PAX8: variants seen among roughly 807,000 people sequenced by gnomAD.
PAX8 encodes paired box protein Pax-8.
PAX8 carries 15 observed loss-of-function variants against 52.4 expected under a neutral mutation model. That is an observed-to-expected ratio of 0.29 (90% CI 0.19 to 0.44). The LOEUF is 0.44. PAX8 is among the 20% of genes least tolerant of loss of function. The pLI is 1.00. For missense variants in PAX8, 554 were observed against 602.5 expected (o/e 0.92, Z 0.84); for synonymous variants, 284 against 249.7 (o/e 1.14, Z -1.29).
chr2:113,247,990 TAAGCTGAGACTG>T (rs1406126915), intron 2 of PAX8, among the ~76,000 whole-genome samples: 2 of 152,168 alleles, frequency 1.3e-5, no homozygotes, highest in African/African-American at 2.4e-5. Context: ...TGAGGAGGTC[TAAGCTGAGACTG>T]AAGATAAACA....
intron 11 of PAX8, 83 bp from the exon 12 acceptor site, chr2:113,218,692 C>A: frequency 1.2e-6 from 1 of 813,494 alleles, no homozygotes; most frequent in South Asian, 1.6e-5. Context: ...ATCTGCTGAC[C>A]TTTAAGACAA....
At chr2:113,274,300 TCTC>T (rs1262191752) in intron 2 of PAX8, 3 of 152,098 alleles carry the variant, frequency 2.0e-5, no homozygotes, top group East Asian at 1.9e-4. Context: ...TTCCTAAAAT[TCTC>T]CTCTTTTTTT....
chr2:113,271,904 C>CA (rs1388286049), intron 2 of PAX8: 1 of 151,854 alleles, frequency 6.6e-6, no homozygotes, highest in Non-Finnish European at 1.5e-5. Flanking sequence ...AGCACCACAC[C>CA]ACACCTGTGG....
At chr2:113,258,431 C>T (rs575249213) in intron 2 of PAX8, among the ~76,000 whole-genome samples, 1 of 152,234 alleles carries the variant, frequency 6.6e-6, no homozygotes, top group Admixed American at 6.5e-5. Flanking sequence ...CTCTCTGTCC[C>T]AGTCCTTTCC....
chr2:113,245,644 C>G (rs1327792478), intron 3 of PAX8, among the ~76,000 whole-genome samples: 1 of 152,148 alleles, frequency 6.6e-6, no homozygotes, highest in Non-Finnish European at 1.5e-5. Context: ...GTTGCTTTGG[C>G]AGATCAACCG....
At chr2:113,272,218 C>T (rs1305763040) in intron 2 of PAX8, 1 of 152,098 alleles carries the variant, frequency 6.6e-6, no homozygotes, top group African/African-American at 2.4e-5. Flanking sequence ...TGGTTTCTAT[C>T]GAGACTCATT....
chr2:113,246,889 G>T lies in PAX8; in HGVS notation c.56C>A (p.Ala19Asp), dbSNP rs2104507947. Residue 19 changes from alanine to aspartate, a missense_variant, in exon 3 of 12, where the codon GCC becomes GAC. Ala to Asp is a moderately radical substitution (Grantham distance 126). Coordinates refer to ENST00000429538, the MANE Select transcript of PAX8 (RefSeq NM_003466.4). Reference protein sequence around the residue: ...GHGGLNQLGGAFVNGRPLPEV... With the variant: ...GHGGLNQLGGDFVNGRPLPEV... Reference sequence around the variant, plus strand: ...CGGCAGAGGTCTGCCATTCACAAAGGCCCCTCCCAGCTGGTTCAGCCCTCC... The same window carrying T: ...CGGCAGAGGTCTGCCATTCACAAAGTCCCCTCCCAGCTGGTTCAGCCCTCC... The T allele has an allele frequency of 1.2e-6, 2 of 1,614,080 alleles. No homozygotes were observed. Among genetic ancestry groups the T allele is most frequent in the Admixed American group, 1.7e-5 (1 of 60,016 alleles).
intron 7 of PAX8, chr2:113,239,666 T>C (rs1690653891): frequency 6.6e-6 from 1 of 152,272 alleles, no homozygotes; most frequent in Non-Finnish European, 1.5e-5. Context: ...TTATGGACAC[T>C]GCTGGACCTC....
At chr2:113,258,712 C>T (rs768203219) in intron 2 of PAX8, among the ~76,000 whole-genome samples, 7 of 152,196 alleles carry the variant, frequency 4.6e-5, no homozygotes, top group Non-Finnish European at 1.0e-4. Flanking sequence ...TATTAGATTT[C>T]CCTTTCTATT....
At chr2:113,267,566 T>G (rs2104588160) in intron 2 of PAX8, 1 of 152,304 alleles carries the variant, frequency 6.6e-6, no homozygotes, top group African/African-American at 2.4e-5. Flanking sequence ...GTCAGTGACC[T>G]CATGCCTAAA....
intron 4 of PAX8, among the ~76,000 whole-genome samples, chr2:113,244,027 G>C (rs1236449714): frequency 6.6e-6 from 1 of 152,238 alleles, no homozygotes; most frequent in East Asian, 1.9e-4. Flanking sequence ...AAGCGAGTGA[G>C]TAAGTAAATG....
chr2:113,275,975 C>T (rs1398304089), intron 2 of PAX8: 1 of 152,244 alleles, frequency 6.6e-6, no homozygotes, highest in Non-Finnish European at 1.5e-5. Context: ...TCGAGCGTCC[C>T]CGGTTATTGG....
intron 9 of PAX8, 29 bp downstream of exon 9, chr2:113,235,365 T>C (rs1278175195): frequency 6.5e-7 from 1 of 1,541,652 alleles, no homozygotes; most frequent in Non-Finnish European, 8.8e-7. Context: ...CCGCCATAGC[T>C]GCATGGCCCC....
Position 113,241,554 on chromosome 2 carries a change from C to T in PAX8, c.774G>A (p.Glu258=), listed in dbSNP as rs1690844009. Reference sequence around the variant, plus strand: ...CTCCCAGGGCCCAGCTTCTCACCTGCTCGCCTTTGGTGTGGCTGGGGGAGG... The same window carrying T: ...CTCCCAGGGCCCAGCTTCTCACCTGTTCGCCTTTGGTGTGGCTGGGGGAGG... The part of the protein sequence containing the change: ...AYASPSHTKG[E]QGLYPLPLLN... The change falls in exon 7 of 12, where the codon GAG becomes GAA. Residue 258 remains glutamate (E), a synonymous_variant. Transcript: ENST00000429538. 1 of 1,608,330 alleles carries T rather than the reference C, an allele frequency of 6.2e-7. No homozygotes were observed. The highest frequency in any genetic ancestry group is 8.5e-7 in the Non-Finnish European group (1 of 1,177,940).
At chr2:113,248,739 A>G (rs1204144122) in intron 2 of PAX8, among the ~76,000 whole-genome samples, 5 of 151,628 alleles carry the variant, frequency 3.3e-5, no homozygotes, top group Non-Finnish European at 7.4e-5. Flanking sequence ...CGGGCGGATC[A>G]CCTGAGGTCA....
Position 113,260,586 on chromosome 2 carries a change from A to G in PAX8, c.26-13667T>C, listed in dbSNP as rs1573519696. ...GGGGTAGGTAGGGAGGATGGGGAGA[A>G]GGGGGAATAGGAAGGAAATAACAGC... On this transcript the variant is annotated intron_variant, in intron 2 of 11. Coordinates refer to ENST00000429538, the MANE Select transcript of PAX8 (RefSeq NM_003466.4). Among the ~76,000 whole-genome samples the G allele has an allele frequency of 2.0e-5, 3 of 152,150 alleles. No homozygotes were observed. In the East Asian group the frequency reaches 5.8e-4, roughly 29 times the overall value.
intron 2 of PAX8, chr2:113,250,624 G>T (rs989730807): frequency 6.6e-6 from 1 of 152,212 alleles, no homozygotes; most frequent in African/African-American, 2.4e-5. Context: ...TTTAGGCCAG[G>T]TGATGGCTGG....
rs147241854 is a variant in PAX8 at position 113,254,662 on chromosome 2, T to C, written c.26-7743A>G. On this transcript the variant is annotated intron_variant, in intron 2 of 11. Transcript: ENST00000429538. ...GCAAAGTCCAAGCTACTAAATCTTG[T>C]AGACAATGCCTACCACTACCTGACC... is the stretch of plus-strand genomic sequence containing the variant. 2.2e-3 allele frequency among the ~76,000 whole-genome samples: 339 copies of C among 152,344 alleles called. 1 individual carries two copies. The highest frequency in any genetic ancestry group is 7.7e-3 in the South Asian group (37 of 4,824).
At chr2:113,252,156 GC>G (rs1473644165) in intron 2 of PAX8, among the ~76,000 whole-genome samples, 2 of 152,200 alleles carry the variant, frequency 1.3e-5, no homozygotes, top group African/African-American at 4.8e-5. Flanking sequence ...ACTATCTGGG[GC>G]TTTTTGCTTT....
Sources: gnomAD v4.1 joint callset for allele counts (sites outside exome capture counted in the v4.1 genomes callset) on GRCh38, gnomAD v4.1.1 for gene constraint, MANE v1.5 for transcripts, NCBI Gene and HGNC (gene_info 2026-07-23, HGNC 2026-07-21) for gene names.